The following MSANTD2 variants were observed in gnomAD, a reference collection of about 807,000 sequenced individuals.
The protein encoded by MSANTD2 is myb/SANT-like DNA-binding domain-containing protein 2.
Under a neutral mutation model 52.6 loss-of-function variants are expected in MSANTD2, and 19 were observed. That is an observed-to-expected ratio of 0.36 (90% CI 0.25 to 0.53). MSANTD2 has a LOEUF of 0.53. MSANTD2 is among the 20% of genes least tolerant of loss of function. The pLI, the probability that MSANTD2 is intolerant of heterozygous loss-of-function variation, is 0.91. For synonymous variants in MSANTD2, 291 were observed against 289.7 expected, an observed-to-expected ratio of 1.00 and a Z score of -0.04; for missense variants, 558 against 716.3, an observed-to-expected ratio of 0.78 and a Z score of 2.52.
chr11:124,800,017 C>G lies in MSANTD2; in HGVS notation c.364G>C (p.Val122Leu). ...LIAVWGNERL[V>L]EARYQQLEGA... is the part of the protein sequence containing the mutation. ...TCCAGCTGCTGGTACCGCGCCTCCA[C>G]CAGCCGCTCGTTGCCCCACACTGCG... is the stretch of plus-strand genomic sequence containing the variant. Residue 122 changes from valine to leucine, a missense_variant, in exon 1 of 4, where the codon GTG (valine) becomes CTG (leucine). Physicochemically the swap from Val to Leu is conservative, Grantham distance 32. Transcript: ENST00000374979. The surrounding 1 kb of genome is among the most constrained non-coding windows in gnomAD (Gnocchi z 4.3). 6.3e-7 allele frequency: 1 copy of G among 1,583,604 alleles called. No homozygotes were observed. Among genetic ancestry groups the G allele is most frequent in the South Asian group, 1.1e-5 (1 of 89,216 alleles).
At chr11:124,798,284 G>A (rs902019496) in intron 1 of MSANTD2, among the ~76,000 whole-genome samples, 3 of 151,042 alleles carry the variant, frequency 2.0e-5, no homozygotes, top group Non-Finnish European at 4.4e-5. Flanking sequence ...GTGTGGTGGG[G>A]CATGCCTGCA....
At chr11:124,784,062 C>T in intron 1 of MSANTD2, 14 of 983,964 alleles carry the variant, frequency 1.4e-5, no homozygotes, top group Non-Finnish European at 1.7e-5. Flanking sequence ...GTATACTGAA[C>T]TATTTCAGTA....
chr11:124,800,154 G>A lies in MSANTD2; in HGVS notation c.227C>T (p.Ala76Val), dbSNP rs1255535889. ...LGLGLGGRSA[A>V]SSSVSFSPGG... ...AGGGGAGAAGGAGACCGAGGACGAG[G>A]CGGCGCTGCGGCCCCCCAGCCCCAG... Residue 76 changes from alanine (A) to valine (V), a missense_variant, in exon 1 of 4, where the codon GCC (alanine) becomes GTC (valine). Ala to Val is a moderately conservative substitution (Grantham distance 64, BLOSUM62 0). Transcript: ENST00000374979. This position sits in a 1 kb window ranked among gnomAD's most constrained non-coding sequence, Gnocchi z 4.3. The A allele has an allele frequency of 3.4e-6, 5 of 1,471,344 alleles. No individual in the cohort carries two copies. Among genetic ancestry groups the A allele is most frequent in the Non-Finnish European group, 4.5e-6 (5 of 1,119,418 alleles). The allele number at this position is 1,471,344 out of a possible 1,614,324, so 91.1% of individuals were successfully genotyped here. A position where few individuals can be genotyped will look rare whatever the true frequency, so the allele number is the denominator to read the frequency against.
chr11:124,773,112 T>C lies in MSANTD2; in HGVS notation c.767-58A>G, dbSNP rs981071633. On this transcript the variant is annotated intron_variant, in intron 2 of 3. Transcript: ENST00000374979. ...TTTCCTAAGTGGTGGCATGCATGTA[T>C]GTAGATAAGTAGCTATGTTTACTGA... 8.4e-6 allele frequency: 8 copies of C among 952,708 alleles called. No individual in the cohort carries two copies. The African/African-American group carries it at 9.7e-5, about 12-fold the overall frequency. The allele number at this position is 952,708 out of a possible 1,614,324, so 59.0% of individuals were successfully genotyped here.
chr11:124,767,881 T>C lies in MSANTD2; in HGVS notation c.975A>G (p.Lys325=). The C allele has an allele frequency of 1.2e-6, 2 of 1,614,248 alleles. No individual in the cohort carries two copies. Among genetic ancestry groups the C allele is most frequent in the Non-Finnish European group, 1.7e-6 (2 of 1,180,042 alleles). Residue 325 remains lysine (K), a synonymous_variant, in exon 4 of 4, where the codon AAA becomes AAG. Coordinates refer to ENST00000374979, the MANE Select transcript of MSANTD2 (RefSeq NM_001308027.2). The surrounding 1 kb of genome is among the most constrained non-coding windows in gnomAD (Gnocchi z 6.5). Reference sequence around the variant, plus strand: ...CAGCATAATGGTAACGGATATCCTCTTTCCAACGGGTGTTATAACCAATTC... The same window carrying C: ...CAGCATAATGGTAACGGATATCCTCCTTCCAACGGGTGTTATAACCAATTC... ...IFGIGYNTRW[K]EDIRYHYAEI...
chr11:124,794,589 C>T (rs1945434823), intron 1 of MSANTD2, among the ~76,000 whole-genome samples: 1 of 152,178 alleles, frequency 6.6e-6, no homozygotes, highest in Admixed American at 6.6e-5. Flanking sequence ...GTCTTGTCTG[C>T]AAACGCCAAA....
rs143718510 is a variant in MSANTD2 at position 124,767,260 on chromosome 11, T to C, written c.1596A>G (p.Glu532=). Residue 532 remains glutamate, a synonymous_variant, in exon 4 of 4, where the codon GAA becomes GAG. Transcript: ENST00000374979. The surrounding 1 kb of genome is among the most constrained non-coding windows in gnomAD (Gnocchi z 6.5). ...SPKSIYIKFV[E]VERDFLSAGS... Reference sequence around the variant, plus strand: ...CTGCGGAAAGAAAATCCCTCTCTACTTCTACAAATTTGATGTAGATGGATT... The same window carrying C: ...CTGCGGAAAGAAAATCCCTCTCTACCTCTACAAATTTGATGTAGATGGATT... The C allele has an allele frequency of 1.5e-5, 25 of 1,614,076 alleles. No individual in the cohort carries two copies. In the African/African-American group the frequency reaches 2.3e-4, roughly 15 times the overall value.
chr11:124,784,090 A>G (rs776381629), intron 1 of MSANTD2: 136 of 984,866 alleles, frequency 1.4e-4, no homozygotes, highest in Non-Finnish European at 1.6e-4. Context: ...AGCAATAGGT[A>G]GTAGCTACAG....
In MSANTD2 at chr11:124,767,108, G is replaced by A; in HGVS notation, c.*68C>T. 6 of 1,468,236 alleles carry A rather than the reference G, an allele frequency of 4.1e-6. No individual in the cohort carries two copies. The highest frequency in any genetic ancestry group is 5.5e-6 in the Non-Finnish European group (6 of 1,090,040). 91.0% of individuals were successfully genotyped at this position (1,468,236 alleles called of 1,614,324 possible). A position where few individuals can be genotyped will look rare whatever the true frequency, so the allele number is the denominator to read the frequency against. On this transcript the variant is annotated 3_prime_UTR_variant, in exon 4 of 4. Coordinates refer to ENST00000374979, the MANE Select transcript of MSANTD2 (RefSeq NM_001308027.2). The surrounding 1 kb of genome is among the most constrained non-coding windows in gnomAD (Gnocchi z 6.5). ...TGACGGCGGCATCTGGATGAGGGGT[G>A]GTCCGGGTAATGGGAAGTGAGTAGA... is the stretch of plus-strand genomic sequence containing the variant.
chr11:124,794,166 T>C (rs1945420867), intron 1 of MSANTD2, among the ~76,000 whole-genome samples: 1 of 152,228 alleles, frequency 6.6e-6, no homozygotes, highest in African/African-American at 2.4e-5. Context: ...AACAGTACTA[T>C]TTGTACTACA....
chr11:124,780,135 A>C (rs952944958), intron 1 of MSANTD2, among the ~76,000 whole-genome samples: 1 of 152,222 alleles, frequency 6.6e-6, no homozygotes. Context: ...AGGAAAGACA[A>C]TATCTTATGT....
chr11:124,780,784 C>G (rs1451370308), intron 1 of MSANTD2, among the ~76,000 whole-genome samples: 2 of 152,190 alleles, frequency 1.3e-5, no homozygotes, highest in Non-Finnish European at 2.9e-5. Context: ...GTACAATTAT[C>G]AGTTCACTCA....
chr11:124,796,495 A>G (rs1332450422), intron 1 of MSANTD2, among the ~76,000 whole-genome samples: 1 of 152,096 alleles, frequency 6.6e-6, no homozygotes, highest in Non-Finnish European at 1.5e-5. Flanking sequence ...TACAGTGGCT[A>G]TTTACAGGTG....
chr11:124,775,099 G>A, intron 1 of MSANTD2, 125 bp from the exon 2 acceptor site: 1 of 793,706 alleles, frequency 1.3e-6, no homozygotes, highest in Non-Finnish European at 1.9e-6. Flanking sequence ...TTACAGGAAT[G>A]CTAGATTTCA....
chr11:124,784,396 G>A (rs951533053), intron 1 of MSANTD2: 1 of 985,022 alleles, frequency 1.0e-6, no homozygotes, highest in East Asian at 1.1e-4. Context: ...TGGCATAGCA[G>A]GGGAGAACCA....
intron 1 of MSANTD2, among the ~76,000 whole-genome samples, chr11:124,793,367 G>A (rs1459488479): frequency 6.6e-6 from 1 of 152,028 alleles, no homozygotes; most frequent in African/African-American, 2.4e-5. Flanking sequence ...CATTTTCTAT[G>A]TCCTGCTAAC....
At chr11:124,792,877 C>G (rs1039368128) in intron 1 of MSANTD2, 9 of 152,188 alleles carry the variant, frequency 5.9e-5, no homozygotes, top group East Asian at 1.9e-4. Context: ...TCCCCTCCCC[C>G]CCTCCAGATA....
intron 3 of MSANTD2, among the ~76,000 whole-genome samples, chr11:124,769,191 G>C (rs1047147134): frequency 2.0e-5 from 3 of 152,154 alleles, no homozygotes; most frequent in African/African-American, 7.2e-5. Context: ...GAACATTCTG[G>C]CGAGGCTTCA....
intron 1 of MSANTD2, chr11:124,792,817 A>T (rs556087600): frequency 1.3e-5 from 2 of 152,342 alleles, no homozygotes; most frequent in South Asian, 4.1e-4. Flanking sequence ...AAATCTTGTG[A>T]TGAATCTGTC....
Sources: allele counts gnomAD v4.1 joint callset (sites outside exome capture counted in the v4.1 genomes callset), GRCh38; gene constraint gnomAD v4.1.1; non-coding constraint Gnocchi (gnomAD v3.1); transcripts MANE v1.5; gene names NCBI Gene and HGNC (gene_info 2026-07-23, HGNC 2026-07-21).